The following HUWE1 variants were observed in gnomAD, a reference collection of about 807,000 sequenced individuals.
The protein encoded by HUWE1 is HECT, UBA and WWE domain containing E3 ubiquitin protein ligase 1.
Under a neutral mutation model 299.4 loss-of-function variants are expected in HUWE1, and 18 were observed. The ratio of observed to expected loss-of-function variants is 0.06; its 90% confidence interval spans 0.04 to 0.09. The LOEUF (loss-of-function observed/expected upper bound fraction) is 0.09, where lower values mean the gene tolerates loss of function less well. Ranked by LOEUF, HUWE1 falls within the 10% of genes least tolerant of loss-of-function variation. HUWE1 has a pLI of 1.00. For missense variants in HUWE1, 1,832 were observed against 3,462.3 expected, an observed-to-expected ratio of 0.53 and a Z score of 11.82; for synonymous variants, 1,317 against 1,286.1, an observed-to-expected ratio of 1.02 and a Z score of -0.51.
intron 39 of HUWE1, 110 bp from the exon 40 acceptor site, chrX:53,585,298 C>T: frequency 1.3e-6 from 1 of 763,830 alleles, no homozygotes; most frequent in Admixed American, 2.7e-5. Flanking sequence ...AAGAAATATA[C>T]TGGACAATAA....
At chrX:53,625,471 C>A in intron 17 of HUWE1, 2 of 338,890 alleles carry the variant, frequency 5.9e-6, no homozygotes, top group Non-Finnish European at 1.0e-5. Context: ...TACTAAAAGT[C>A]TAAAGTAAAA....
At chrX:53,534,726 C>G (rs1556910308) in intron 81 of HUWE1, 29 bp from the exon 82 acceptor site, 3 of 1,186,510 alleles carry the variant, frequency 2.5e-6, no homozygotes, top group East Asian at 5.9e-5. Flanking sequence ...AGCCAAATGA[C>G]TTCTAAACTC....
In HUWE1 at chrX:53,603,378, T is replaced by C; in HGVS notation, c.2866A>G (p.Thr956Ala). 8.3e-7 allele frequency: 1 copy of C among 1,208,872 alleles called. No individual in the cohort carries two copies. Residue 956 changes from threonine (T) to alanine (A), a missense_variant, in exon 27 of 84, where the codon ACC becomes GCC. Transcript: ENST00000262854. ...GAGCCATTCTCTTACCTGTTTGGGGTACACAGAGAGAGGAGGACAGTGCTT... is the reference window on the plus strand; with the variant it reads ...GAGCCATTCTCTTACCTGTTTGGGGCACACAGAGAGAGGAGGACAGTGCTT... ...WESTVLLSLCTPNSLPSGCEF... is the reference protein window; with the variant it reads ...WESTVLLSLCAPNSLPSGCEF...
intron 47 of HUWE1, 111 bp from the exon 48 acceptor site, chrX:53,569,938 T>G: frequency 3.1e-6 from 2 of 652,412 alleles, no homozygotes; most frequent in Non-Finnish European, 4.9e-6. Context: ...ACCCAATGAG[T>G]GATTATTAGG....
intron 3 of HUWE1, among the ~76,000 whole-genome samples, chrX:53,675,995 A>G (rs150326157): frequency 9.0e-6 from 1 of 111,330 alleles, no homozygotes; most frequent in East Asian, 2.8e-4. Context: ...TCCAAAGTGA[A>G]AAACTACTCT....
chrX:53,536,054 TGAG>T, intron 80 of HUWE1, 90 bp downstream of exon 80: 1 of 551,412 alleles, frequency 1.8e-6, no homozygotes, highest in East Asian at 3.7e-5. Flanking sequence ...CTTAGAACTA[TGAG>T]AAGGTCACGC....
In HUWE1 at chrX:53,672,867, T is replaced by C. The variant is rs782361593; in HGVS notation, c.-25+7182A>G. On this transcript the variant is annotated intron_variant, in intron 3 of 83. Transcript: ENST00000262854. ...AGTTAAGAAAAGCCTTCGAAGAAGATACTGCATACCAAAATGTTAAGAGTA... is the reference window on the plus strand; with the variant it reads ...AGTTAAGAAAAGCCTTCGAAGAAGACACTGCATACCAAAATGTTAAGAGTA... Among the ~76,000 whole-genome samples the C allele has an allele frequency of 2.6e-3, 288 of 112,164 alleles. 1 individual carries two copies. The highest frequency in any genetic ancestry group is 9.2e-3 in the Middle Eastern group (2 of 217).
intron 3 of HUWE1, among the ~76,000 whole-genome samples, chrX:53,678,362 A>C (rs1569516254): frequency 8.9e-6 from 1 of 111,913 alleles, no homozygotes. Context: ...AAACGACTTA[A>C]AAGTTGAGTT....
intron 28 of HUWE1, 29 bp from the exon 29 acceptor site, chrX:53,600,338 G>A: frequency 9.3e-7 from 1 of 1,072,585 alleles, no homozygotes; most frequent in Non-Finnish European, 1.3e-6. Flanking sequence ...GGAGCAATAG[G>A]ACAATGTAGA....
chrX:53,541,393 G>A (rs1269717221), intron 74 of HUWE1, among the ~76,000 whole-genome samples: 2 of 110,211 alleles, frequency 1.8e-5, no homozygotes, highest in African/African-American at 6.6e-5. Flanking sequence ...TTTGAAATCA[G>A]CCTGGCCAAT....
At chrX:53,683,055 G>C (rs1218182611) in intron 2 of HUWE1, among the ~76,000 whole-genome samples, 2 of 111,826 alleles carry the variant, frequency 1.8e-5, no homozygotes, top group East Asian at 5.6e-4. Flanking sequence ...CATCCACAAA[G>C]ATGGAGTAAA....
chrX:53,554,260 T>C (rs1556931966), intron 61 of HUWE1, among the ~76,000 whole-genome samples: 1 of 110,673 alleles, frequency 9.0e-6, no homozygotes, highest in East Asian at 2.8e-4. Context: ...ATGGGGTCTA[T>C]GTTGCCCAGG....
At chrX:53,609,151 A>G (rs2065306193) in intron 23 of HUWE1, among the ~76,000 whole-genome samples, 2 of 111,504 alleles carry the variant, frequency 1.8e-5, no homozygotes, top group Non-Finnish European at 3.8e-5. Flanking sequence ...CATATACCGC[A>G]GGAAAAAAAC....
rs782631063 is a variant in HUWE1, at chrX:53,645,470, G to C, written c.352-7C>G. 6 of 1,205,274 alleles carry C rather than the reference G, an allele frequency of 5.0e-6. No homozygotes were observed. The East Asian group carries it at 1.8e-4, about 36-fold the overall frequency. On this transcript the variant is annotated splice_region_variant and splice_polypyrimidine_tract_variant and intron_variant, in intron 6 of 83. Transcript: ENST00000262854. ...CCAATAAAGTTGTCAAATGCTAAAG[G>C]GACAAAAAAGGGCAAAGCTCAAGGT...
chrX:53,578,453 C>A (rs1287273512), intron 43 of HUWE1, among the ~76,000 whole-genome samples: 2 of 94,276 alleles, frequency 2.1e-5, no homozygotes, highest in Non-Finnish European at 4.2e-5. Context: ...GCCCCTCTGC[C>A]CGGCCAGTCG....
At chrX:53,563,945 C>T (rs1015553441) in intron 51 of HUWE1, 124 bp from the exon 52 acceptor site, 26 of 756,027 alleles carry the variant, frequency 3.4e-5, no homozygotes, top group Non-Finnish European at 4.5e-5. Context: ...GAGGATGTTA[C>T]GTGAAACCAC....
At chrX:53,661,034 C>CT (rs200048431) in intron 3 of HUWE1, among the ~76,000 whole-genome samples, 1,263 of 96,844 alleles carry the variant, frequency 0.013, 17 homozygotes, top group East Asian at 0.074. Flanking sequence ...ATGCGATTCA[C>CT]TTTTTTTTTT....
At chrX:53,601,017 C>G (rs2064801825) in intron 28 of HUWE1, among the ~76,000 whole-genome samples, 1 of 111,676 alleles carries the variant, frequency 9.0e-6, no homozygotes, top group African/African-American at 3.3e-5. Context: ...ATTTGAAATT[C>G]TCATTTTGTC....
intron 25 of HUWE1, among the ~76,000 whole-genome samples, chrX:53,606,271 A>G (rs2065148756): frequency 8.9e-6 from 1 of 112,019 alleles, no homozygotes; most frequent in South Asian, 3.7e-4. Context: ...AACTCAACAA[A>G]ACAAATAACA....
Sources: allele counts gnomAD v4.1 joint callset (sites outside exome capture counted in the v4.1 genomes callset), GRCh38; gene constraint gnomAD v4.1.1; transcripts MANE v1.5; gene names NCBI Gene and HGNC (gene_info 2026-07-23, HGNC 2026-07-21).